The following PCDHGA7 variants were observed in gnomAD, a reference collection of about 807,000 sequenced individuals.
PCDHGA7 encodes the protein protocadherin gamma subfamily A, 7.
In PCDHGA7, 44 loss-of-function variants were observed where a neutral mutation model predicts 58.3. The ratio of observed to expected loss-of-function variants is 0.75; its 90% CI spans 0.59 to 0.97. PCDHGA7 has a LOEUF of 0.97. Ranked by LOEUF, PCDHGA7 falls within the 50% of genes least tolerant of loss-of-function variation. The pLI, the probability that PCDHGA7 is intolerant of heterozygous loss-of-function variation, is 0.00. For missense variants in PCDHGA7, 1,266 were observed against 1,188.7 expected (o/e 1.06, Z -0.96); for synonymous variants, 516 against 504.2 (o/e 1.02, Z -0.31).
chr5:141,456,641 G>A (rs2098873674), intron 1 of PCDHGA7, among the ~76,000 whole-genome samples: 1 of 152,160 alleles, frequency 6.6e-6, no homozygotes, highest in South Asian at 2.1e-4. Context: ...TACTACAGGT[G>A]TTAATCCCAA....
At chr5:141,410,776 A>G (rs2095422946) in intron 1 of PCDHGA7, 7 of 919,622 alleles carry the variant, frequency 7.6e-6, no homozygotes, top group South Asian at 4.0e-5. Context: ...AGTTTTCACT[A>G]TGTATTTGGT....
intron 1 of PCDHGA7, among the ~76,000 whole-genome samples, chr5:141,461,165 TG>T (rs2099010296): frequency 6.6e-6 from 1 of 152,146 alleles, no homozygotes; most frequent in South Asian, 2.1e-4. Flanking sequence ...ATAGTGGGAT[TG>T]CTGGATTGAA....
intron 1 of PCDHGA7, chr5:141,415,641 T>TAA (rs113784532): frequency 8.4e-5 from 108 of 1,280,644 alleles, no homozygotes; most frequent in African/African-American, 8.0e-4. Flanking sequence ...TTACTTTTGT[T>TAA]AAAAAAAAAA....
chr5:141,494,948 G>C (rs909146), intron 2 of PCDHGA7, 83 bp downstream of exon 2: 1 of 1,608,226 alleles, frequency 6.2e-7, no homozygotes, highest in South Asian at 1.1e-5. Flanking sequence ...GGAGGGCCCA[G>C]CATTTGCTAC....
Position 141,476,935 on chromosome 5 carries a change from A to G in PCDHGA7, c.2425-17872A>G. The G allele has an allele frequency of 6.2e-7, 1 of 1,614,166 alleles. No homozygotes were observed. Among genetic ancestry groups the G allele is most frequent in the Non-Finnish European group, 8.5e-7 (1 of 1,180,046 alleles). Reference sequence around the variant, plus strand: ...AAGTCCTTGCAACGGATCTGGATGAAGGCCCCAACGGTGAAATTATTTACT... The same window carrying G: ...AAGTCCTTGCAACGGATCTGGATGAGGGCCCCAACGGTGAAATTATTTACT... On this transcript the variant is annotated intron_variant, in intron 1 of 3. Transcript: ENST00000518325. This position sits in a 1 kb window ranked among gnomAD's most constrained non-coding sequence, Gnocchi z 7.6.
At position 141,421,932 on chromosome 5, in the gene PCDHGA7, T is replaced by C. The variant is rs747598404; in HGVS notation, c.2424+36609T>C. On this transcript the variant is annotated intron_variant, in intron 1 of 3. Transcript: ENST00000518325. The stretch of plus-strand genomic sequence containing the variant: ...TTCCCATTCGTGTGGTGGTCCTCGA[T>C]GTAAATGATCACATCCCAATGTTTA... 3 of 1,613,588 alleles carry C rather than the reference T, an allele frequency of 1.9e-6. No individual in the cohort carries two copies. The East Asian group carries it at 6.7e-5, about 36-fold the overall frequency.
At chr5:141,418,882 C>T (rs945382775) in intron 1 of PCDHGA7, 8 of 1,613,960 alleles carry the variant, frequency 5.0e-6, no homozygotes, top group Admixed American at 1.7e-5. Flanking sequence ...TAGACGAAAA[C>T]GACAACAGCC....
intron 3 of PCDHGA7, chr5:141,507,313 T>TAC (rs1554192306): frequency 6.7e-6 from 1 of 150,168 alleles, no homozygotes. Context: ...CATAATGTAC[T>TAC]AAAAAAAAAA....
intron 1 of PCDHGA7, chr5:141,409,290 G>T: frequency 6.2e-7 from 1 of 1,613,974 alleles, no homozygotes; most frequent in Non-Finnish European, 8.5e-7. Flanking sequence ...TCACCTCCAG[G>T]AATGGTTGTT....
chr5:141,501,501 T>C (rs2099809553), intron 2 of PCDHGA7, among the ~76,000 whole-genome samples: 1 of 151,938 alleles, frequency 6.6e-6, no homozygotes, highest in Non-Finnish European at 1.5e-5. Context: ...CTGCTGGGGC[T>C]CCAAGGCCTC....
At chr5:141,501,127 T>C (rs2099805755) in intron 2 of PCDHGA7, among the ~76,000 whole-genome samples, 5 of 152,024 alleles carry the variant, frequency 3.3e-5, no homozygotes, top group Non-Finnish European at 7.4e-5. Context: ...TCAGCCTCCC[T>C]AAGTGCTGGG....
At position 141,409,389 on chromosome 5, in the gene PCDHGA7, C is replaced by G; in HGVS notation, c.2424+24066C>G. On this transcript the variant is annotated intron_variant, in intron 1 of 3. Transcript: ENST00000518325. ...ACAGACATTCCATTCAAGATTTATT[C>G]TTCTTCCAATAACTACTACAAACTG... 6.2e-7 allele frequency: 1 copy of G among 1,614,006 alleles called. No homozygotes were observed. Among genetic ancestry groups the G allele is most frequent in the Admixed American group, 1.7e-5 (1 of 60,020 alleles).
In PCDHGA7 at chr5:141,428,860, CTT is replaced by C. The variant is rs34152666; in HGVS notation, c.2424+43549_2424+43550del. On this transcript the variant is annotated intron_variant, in intron 1 of 3. Transcript: ENST00000518325. The stretch of plus-strand genomic sequence containing the variant: ...ACATTTTCACCATTTTTACGGGAGA[CTT>C]TTTTTTTTTTTGGACGGAGTCTCGC... The C allele has an allele frequency of 7.4e-3, 1,070 of 145,506 alleles. 4 individuals carry two copies. Among genetic ancestry groups the C allele is most frequent in the South Asian group, 0.018 (82 of 4,566 alleles). 9.0% of individuals were successfully genotyped at this position (145,506 alleles called of 1,614,324 possible).
Position 141,491,274 on chromosome 5 carries a change from T to C in PCDHGA7, c.2425-3533T>C, listed in dbSNP as rs2099710140. On this transcript the variant is annotated intron_variant, in intron 1 of 3. Transcript: ENST00000518325. The surrounding 1 kb of genome is among the most constrained non-coding windows in gnomAD (Gnocchi z 6.9). ...ACCCTGAGGAAATGCCCAAATCCAG[T>C]GACTTCCTCATACACCCTCCTGAGC... The C allele has an allele frequency of 6.2e-7, 1 of 1,614,102 alleles. No individual in the cohort carries two copies. Among genetic ancestry groups the C allele is most frequent in the Non-Finnish European group, 8.5e-7 (1 of 1,179,914 alleles).
chr5:141,465,366 A>G (rs2099102089), intron 1 of PCDHGA7, among the ~76,000 whole-genome samples: 1 of 152,154 alleles, frequency 6.6e-6, no homozygotes, highest in Non-Finnish European at 1.5e-5. Flanking sequence ...GGTGCCCTTT[A>G]AAGTTGTAAG....
intron 1 of PCDHGA7, chr5:141,391,639 A>G (rs1166696968): frequency 6.6e-6 from 1 of 152,354 alleles, no homozygotes; most frequent in East Asian, 1.9e-4. Context: ...TAGTCAGTGA[A>G]AAAACTATCA....
At chr5:141,482,239 A>G (rs529504334) in intron 1 of PCDHGA7, among the ~76,000 whole-genome samples, 31 of 152,332 alleles carry the variant, frequency 2.0e-4, no homozygotes, top group Middle Eastern at 3.4e-3. Context: ...TGCCAATATA[A>G]GTATAGTACT....
chr5:141,428,173 C>G, intron 1 of PCDHGA7: 1 of 1,514,730 alleles, frequency 6.6e-7, no homozygotes. Context: ...CTGTGCGTGA[C>G]GGAGGACAGC....
At chr5:141,411,562 C>A (rs569842846) in intron 1 of PCDHGA7, 1 of 152,054 alleles carries the variant, frequency 6.6e-6, no homozygotes, top group Non-Finnish European at 1.5e-5. Context: ...CCAGCCTGGG[C>A]GACAGAGTGC....
Sources: allele counts gnomAD v4.1 joint callset (sites outside exome capture counted in the v4.1 genomes callset), GRCh38; gene constraint gnomAD v4.1.1; non-coding constraint Gnocchi (gnomAD v3.1); transcripts MANE v1.5; gene names NCBI Gene and HGNC (gene_info 2026-07-23, HGNC 2026-07-21).